SLC44A1: variants seen among roughly 807,000 people sequenced by gnomAD.
SLC44A1 encodes choline transporter-like protein 1.
SLC44A1 carries 26 observed loss-of-function variants against 79.3 expected under a neutral mutation model. The ratio of observed to expected loss-of-function variants is 0.33; its 90% CI spans 0.24 to 0.46. The LOEUF is 0.46. Ranked by LOEUF, SLC44A1 falls within the 20% of genes least tolerant of loss-of-function variation. SLC44A1 has a pLI of 1.00. For missense variants in SLC44A1, 688 were observed against 798.1 expected (o/e 0.86, Z 1.66); for synonymous variants, 263 against 286.2 (o/e 0.92, Z 0.82).
At chr9:105,341,349 AAAG>A (rs947373939) in intron 4 of SLC44A1, among the ~76,000 whole-genome samples, 3 of 151,278 alleles carry the variant, frequency 2.0e-5, no homozygotes, top group Non-Finnish European at 2.9e-5. Flanking sequence ...AAAAAAAAAA[AAAG>A]AAAAAGAAAA....
intron 5 of SLC44A1, among the ~76,000 whole-genome samples, chr9:105,354,721 C>T (rs1313911291): frequency 6.6e-6 from 1 of 152,184 alleles, no homozygotes; most frequent in African/African-American, 2.4e-5. Context: ...TTTAACGTTC[C>T]ACCAAATATG....
intron 9 of SLC44A1, among the ~76,000 whole-genome samples, chr9:105,364,014 A>G (rs1480568086): frequency 6.6e-6 from 1 of 152,214 alleles, no homozygotes; most frequent in African/African-American, 2.4e-5. Context: ...GACCCTAGCT[A>G]GAGCTCCAAC....
In SLC44A1 at chr9:105,392,818, T is replaced by G. The variant is rs1179112578; in HGVS notation, c.*3762T>G. The G allele has an allele frequency of 3.0e-6, 3 of 985,440 alleles. No homozygotes were observed. The highest frequency in any genetic ancestry group is 3.6e-6 in the Non-Finnish European group (3 of 829,914). The allele number at this position is 985,440 out of a possible 1,614,324, so 61.0% of individuals were successfully genotyped here. On this transcript the variant is annotated 3_prime_UTR_variant, in exon 16 of 16. Coordinates refer to ENST00000374720, the MANE Select transcript of SLC44A1 (RefSeq NM_080546.5). Reference sequence around the variant, plus strand: ...ATGGTGACTTGAATATTTTATTTGATTTTTGGTCAGTAACCTTGTCATTTA... The same window carrying G: ...ATGGTGACTTGAATATTTTATTTGAGTTTTGGTCAGTAACCTTGTCATTTA...
At chr9:105,362,752 AATTT>A in intron 8 of SLC44A1, 65 bp from the exon 9 acceptor site, 1 of 1,255,850 alleles carries the variant, frequency 8.0e-7, no homozygotes, top group Non-Finnish European at 1.1e-6. Context: ...TTATGTTAAA[AATTT>A]CTACTATTTT....
intron 1 of SLC44A1, among the ~76,000 whole-genome samples, chr9:105,253,701 C>T (rs377597063): frequency 6.6e-6 from 1 of 152,100 alleles, no homozygotes; most frequent in African/African-American, 2.4e-5. Flanking sequence ...GCCTGTATTC[C>T]GGCCTGGGTG....
intron 13 of SLC44A1, among the ~76,000 whole-genome samples, chr9:105,378,358 G>A (rs1226533085): frequency 1.3e-5 from 2 of 152,100 alleles, no homozygotes; most frequent in Admixed American, 6.5e-5. Context: ...TCTAACTATG[G>A]TTATACAACT....
At position 105,390,534 on chromosome 9, in the gene SLC44A1, A is replaced by T; in HGVS notation, c.*1478A>T. ...CTACCAGAACTAGACAGTGAATTAG[A>T]TCGGTATTATGGAAATGCATACAAG... On this transcript the variant is annotated 3_prime_UTR_variant, in exon 16 of 16. Coordinates refer to ENST00000374720, the MANE Select transcript of SLC44A1 (RefSeq NM_080546.5). 2 of 985,108 alleles carry T rather than the reference A, an allele frequency of 2.0e-6. No individual in the cohort carries two copies. Among genetic ancestry groups the T allele is most frequent in the Non-Finnish European group, 2.4e-6 (2 of 829,740 alleles). 61.0% of individuals were successfully genotyped at this position (985,108 alleles called of 1,614,324 possible).
intron 1 of SLC44A1, among the ~76,000 whole-genome samples, chr9:105,249,318 T>C (rs1351762645): frequency 2.0e-5 from 3 of 152,184 alleles, no homozygotes; most frequent in Non-Finnish European, 4.4e-5. Flanking sequence ...TTGAAGAGTG[T>C]AGTGGGAATT....
intron 1 of SLC44A1, among the ~76,000 whole-genome samples, chr9:105,273,214 A>G (rs538606971): frequency 7.8e-4 from 118 of 152,042 alleles, no homozygotes; most frequent in Non-Finnish European, 1.6e-4. Context: ...CTCATCTCGA[A>G]CTCCCGACCT....
At chr9:105,353,713 A>C (rs1216626505) in intron 5 of SLC44A1, among the ~76,000 whole-genome samples, 1 of 152,198 alleles carries the variant, frequency 6.6e-6, no homozygotes, top group Non-Finnish European at 1.5e-5. Flanking sequence ...CAAGAAAAAG[A>C]CATCAGTATC....
chr9:105,388,985 T>G (rs764526152), intron 15 of SLC44A1, 48 bp from the exon 16 acceptor site: 1 of 1,417,058 alleles, frequency 7.1e-7, no homozygotes, highest in Admixed American at 1.7e-5. Flanking sequence ...TGATCTCCTT[T>G]TAATGGTAAT....
At chr9:105,406,752 AT>A (rs1282103122) in intron 15 of SLC44A1, among the ~76,000 whole-genome samples, 1 of 152,028 alleles carries the variant, frequency 6.6e-6, no homozygotes, top group African/African-American at 2.4e-5. Flanking sequence ...TTTAAAAAAA[AT>A]TTTTTTAAAA....
At position 105,293,089 on chromosome 9, in the gene SLC44A1, C is replaced by G. The variant is rs1830641131; in HGVS notation, c.37-6131C>G. 2.6e-5 allele frequency among the ~76,000 whole-genome samples: 4 copies of G among 152,210 alleles called. No individual in the cohort carries two copies. In the South Asian group the frequency reaches 8.3e-4, roughly 32 times the overall value. ...GGAAGATCACTTGAGCCTGGGAGATCAAGGCTGCAGTGAACCATGATTGTG... is the reference window on the plus strand; with the variant it reads ...GGAAGATCACTTGAGCCTGGGAGATGAAGGCTGCAGTGAACCATGATTGTG... On this transcript the variant is annotated intron_variant, in intron 1 of 15. Coordinates refer to ENST00000374720, the MANE Select transcript of SLC44A1 (RefSeq NM_080546.5).
intron 1 of SLC44A1, among the ~76,000 whole-genome samples, chr9:105,297,700 A>G (rs1377221037): frequency 1.3e-5 from 2 of 152,170 alleles, no homozygotes; most frequent in Admixed American, 1.3e-4. Context: ...CATATTAAGA[A>G]AAGAATCTGT....
intron 2 of SLC44A1, 32 bp downstream of exon 2, chr9:105,299,341 G>A: frequency 6.9e-7 from 1 of 1,444,734 alleles, no homozygotes; most frequent in South Asian, 1.3e-5. Flanking sequence ...GTCCAAACTG[G>A]ACTCATGATC....
intron 1 of SLC44A1, among the ~76,000 whole-genome samples, chr9:105,288,343 T>TTTTG (rs1197225844): frequency 6.6e-6 from 1 of 152,166 alleles, no homozygotes; most frequent in Non-Finnish European, 1.5e-5. Flanking sequence ...TTAATGTTTT[T>TTTTG]TTTGTTTGTT....
rs373421310 is a variant in SLC44A1 at position 105,254,024 on chromosome 9, A to ACCCTGT, written c.36+9122_36+9127dup. On this transcript the variant is annotated intron_variant, in intron 1 of 15. Coordinates refer to ENST00000374720, the MANE Select transcript of SLC44A1 (RefSeq NM_080546.5). Reference sequence around the variant, plus strand: ...GCGTGAGCCACTGTGCCTGGCTGAGACCCTGTCTTAAACAAAGAAACAAAC... The same window carrying ACCCTGT: ...GCGTGAGCCACTGTGCCTGGCTGAGACCCTGTCCCTGTCTTAAACAAAGAAACAAAC... 6.5e-3 allele frequency among the ~76,000 whole-genome samples: 987 copies of ACCCTGT among 152,168 alleles called. 11 individuals are homozygous for ACCCTGT. The highest frequency in any genetic ancestry group is 0.023 in the African/African-American group (936 of 41,530).
intron 2 of SLC44A1, chr9:105,299,851 T>A: frequency 1.0e-6 from 1 of 986,642 alleles, no homozygotes; most frequent in Non-Finnish European, 1.2e-6. Flanking sequence ...TCTGCTGTAA[T>A]GAGTGGCATC....
chr9:105,248,018 AT>A (rs1829498971), intron 1 of SLC44A1, among the ~76,000 whole-genome samples: 1 of 152,218 alleles, frequency 6.6e-6, no homozygotes, highest in Non-Finnish European at 1.5e-5. Flanking sequence ...GACCTGCTTA[AT>A]GTGTATGTTT....
Sources: allele counts gnomAD v4.1 joint callset (sites outside exome capture counted in the v4.1 genomes callset), GRCh38; gene constraint gnomAD v4.1.1; transcripts MANE v1.5; gene names NCBI Gene and HGNC (gene_info 2026-07-23, HGNC 2026-07-21).